The following ZNF292 variants were observed in gnomAD, a reference collection of about 807,000 sequenced individuals.
ZNF292 encodes the protein zinc finger protein 292, also known as 16 zinc-finger domain protein.
In ZNF292, 26 loss-of-function variants were observed where a neutral mutation model predicts 217.9. That is an observed-to-expected ratio of 0.12 (90% CI 0.09 to 0.17). ZNF292 has a LOEUF of 0.17. Ranked by LOEUF, ZNF292 falls within the 10% of genes least tolerant of loss-of-function variation. The pLI is 1.00. For synonymous variants in ZNF292, 1,257 were observed against 1,124.1 expected (o/e 1.12, Z -2.37); for missense variants, 2,904 against 3,175.2 (o/e 0.91, Z 2.05).
At chr6:87,243,390 ATATT>A (rs916570698) in intron 5 of ZNF292, 81 bp from the exon 6 acceptor site, 5 of 1,160,374 alleles carry the variant, frequency 4.3e-6, no homozygotes, top group Admixed American at 3.6e-5. Context: ...AACTATCTAA[ATATT>A]TAATGAAAAC....
chr6:87,263,830 AC>A lies in ZNF292; in HGVS notation c.*2030del, dbSNP rs1318773900. 1.3e-5 allele frequency: 2 copies of A among 152,088 alleles called. No individual in the cohort carries two copies. Among genetic ancestry groups the A allele is most frequent in the African/African-American group, 4.8e-5 (2 of 41,424 alleles). 9.4% of individuals were successfully genotyped at this position (152,088 alleles called of 1,614,324 possible). On this transcript the variant is annotated 3_prime_UTR_variant, in exon 8 of 8. Coordinates refer to ENST00000369577, the MANE Select transcript of ZNF292 (RefSeq NM_015021.3). ...CTCTTAAAGGTGGGCACTTGGCAAA[AC>A]TGCCCTATATAGCACAGTAGCAAGT... is the stretch of plus-strand genomic sequence containing the variant.
chr6:87,263,325 A>T lies in ZNF292; in HGVS notation c.*1524A>T, dbSNP rs1040917301. 1.3e-5 allele frequency: 2 copies of T among 151,824 alleles called. No individual in the cohort carries two copies. The highest frequency in any genetic ancestry group is 4.8e-5 in the African/African-American group (2 of 41,358). 9.4% of individuals were successfully genotyped at this position (151,824 alleles called of 1,614,324 possible). A position where few individuals can be genotyped will look rare whatever the true frequency, so the allele number is the denominator to read the frequency against. On this transcript the variant is annotated 3_prime_UTR_variant, in exon 8 of 8. Transcript: ENST00000369577. ...TGTTTTTTTTTATTTTGTGTTTGTT[A>T]TAAAACAGTTGCATTCACAATATTA...
chr6:87,240,440 C>T (rs1407423461), intron 5 of ZNF292, among the ~76,000 whole-genome samples: 2 of 151,946 alleles, frequency 1.3e-5, no homozygotes, highest in Non-Finnish European at 2.9e-5. Context: ...ATTTTTTCTT[C>T]AGACAGAGTT....
Position 87,261,372 on chromosome 6 carries a change from T to G in ZNF292, c.7743T>G (p.Phe2581Leu). The G allele has an allele frequency of 6.2e-7, 1 of 1,613,246 alleles. No individual in the cohort carries two copies. The highest frequency in any genetic ancestry group is 2.2e-5 in the East Asian group (1 of 44,866). Residue 2581 changes from phenylalanine (F) to leucine (L), a missense_variant, in exon 8 of 8, where the codon TTT becomes TTG. Phe to Leu is a conservative substitution (Grantham distance 22). Transcript: ENST00000369577. ...CCATTGAGGAGCATCCTGCATCTTT[T>G]GACTGGAGCTCTTTTAAGCCAATGG... ...IQTIEEHPAS[F>L]DWSSFKPMGF...
chr6:87,182,630 C>G (rs1771503404), intron 1 of ZNF292, among the ~76,000 whole-genome samples: 1 of 151,982 alleles, frequency 6.6e-6, no homozygotes, highest in Non-Finnish European at 1.5e-5. Context: ...TTGGCTTTTC[C>G]TTTGAAGTTA....
At chr6:87,205,529 A>G (rs1228026918) in intron 1 of ZNF292, among the ~76,000 whole-genome samples, 1 of 151,882 alleles carries the variant, frequency 6.6e-6, no homozygotes, top group Admixed American at 6.6e-5. Context: ...AACCATTCCC[A>G]TTTTATTCAG....
intron 1 of ZNF292, among the ~76,000 whole-genome samples, chr6:87,197,278 C>T (rs1771975946): frequency 6.6e-6 from 1 of 152,112 alleles, no homozygotes. Context: ...TATCTGTTTG[C>T]TATATTCTAG....
At chr6:87,235,074 A>G (rs557764758) in intron 5 of ZNF292, among the ~76,000 whole-genome samples, 3 of 151,980 alleles carry the variant, frequency 2.0e-5, no homozygotes, top group Non-Finnish European at 2.9e-5. Flanking sequence ...CAACTAGTCT[A>G]TAGATTTTTT....
At chr6:87,205,459 A>G (rs957035853) in intron 1 of ZNF292, among the ~76,000 whole-genome samples, 2 of 151,828 alleles carry the variant, frequency 1.3e-5, no homozygotes, top group East Asian at 3.9e-4. Context: ...GTAAAGGACT[A>G]TTTTTTTCTA....
At chr6:87,203,353 T>C (rs1451543568) in intron 1 of ZNF292, among the ~76,000 whole-genome samples, 4 of 151,682 alleles carry the variant, frequency 2.6e-5, no homozygotes, top group Non-Finnish European at 5.9e-5. Context: ...GTGTTGCCCA[T>C]GCTGATCTTG....
chr6:87,222,623 G>A (rs1008229572), intron 4 of ZNF292: 1 of 253,988 alleles, frequency 3.9e-6, no homozygotes, highest in African/African-American at 2.2e-5. Flanking sequence ...CATATACCCT[G>A]AACCCGTTTT....
rs1266469774 is a variant in ZNF292 at position 87,264,915 on chromosome 6, T to C, written c.*3114T>C. On this transcript the variant is annotated 3_prime_UTR_variant, in exon 8 of 8. Coordinates refer to ENST00000369577, the MANE Select transcript of ZNF292 (RefSeq NM_015021.3). ...GACCTAAAATAGTCCAGGCAAAAAA[T>C]GATGGGAGCCAGAAGAAAGGCTAAC... Among the ~76,000 whole-genome samples the C allele has an allele frequency of 6.6e-6, 1 of 152,016 alleles. No homozygotes were observed. Among genetic ancestry groups the C allele is most frequent in the Non-Finnish European group, 1.5e-5 (1 of 67,988 alleles).
intron 5 of ZNF292, among the ~76,000 whole-genome samples, chr6:87,240,147 G>A (rs1774194357): frequency 6.6e-6 from 1 of 152,184 alleles, no homozygotes; most frequent in South Asian, 2.1e-4. Flanking sequence ...GTTAGGAGCT[G>A]GAGACCAGCC....
In ZNF292 at chr6:87,265,129, TGGAGACAGAG is replaced by T. The variant is rs1369257249; in HGVS notation, c.*3329_*3338del. On this transcript the variant is annotated 3_prime_UTR_variant, in exon 8 of 8. Transcript: ENST00000369577. ...TCTCTTTTTTTTTCTTTGTTTTTTT[TGGAGACAGAG>T]TCTCGCTCTGTTGCCCAGGCTGGAG... Among the ~76,000 whole-genome samples, 6 of 152,184 alleles carry T rather than the reference TGGAGACAGAG, an allele frequency of 3.9e-5. No individual in the cohort carries two copies. Among genetic ancestry groups the T allele is most frequent in the Non-Finnish European group, 7.4e-5 (5 of 68,024 alleles).
rs1426284123 is a variant in ZNF292, at chr6:87,265,426, G to A, written c.*3625G>A. On this transcript the variant is annotated 3_prime_UTR_variant, in exon 8 of 8. Coordinates refer to ENST00000369577, the MANE Select transcript of ZNF292 (RefSeq NM_015021.3). ...TTAGTAGAGACGGTTTCACCATGTTGGCCAGGCTGGTCTTGAACTCCTGAC... is the reference window on the plus strand; with the variant it reads ...TTAGTAGAGACGGTTTCACCATGTTAGCCAGGCTGGTCTTGAACTCCTGAC... Among the ~76,000 whole-genome samples, 1 of 152,064 alleles carries A rather than the reference G, an allele frequency of 6.6e-6. No homozygotes were observed.
Position 87,155,576 on chromosome 6 carries a change from G to A in ZNF292, c.-16G>A, listed in dbSNP as rs766757866. ...CACGTGACCCAGGTGCGTACGCGAC[G>A]GAGCGGGGTGTGAAGATGGCGGACG... On this transcript the variant is annotated 5_prime_UTR_variant, in exon 1 of 8. Transcript: ENST00000369577. 11 of 1,570,780 alleles carry A rather than the reference G, an allele frequency of 7.0e-6. No homozygotes were observed. The highest frequency in any genetic ancestry group is 8.6e-6 in the Non-Finnish European group (10 of 1,158,826).
intron 7 of ZNF292, among the ~76,000 whole-genome samples, chr6:87,245,958 C>T (rs777094379): frequency 2.6e-4 from 39 of 152,284 alleles, no homozygotes; most frequent in Non-Finnish European, 4.4e-4. Flanking sequence ...GTAGGCTGGG[C>T]GTGGTGGCTC....
chr6:87,233,349 G>T lies in ZNF292; in HGVS notation c.563G>T (p.Gly188Val). The T allele has an allele frequency of 6.2e-7, 1 of 1,610,564 alleles. No individual in the cohort carries two copies. Among genetic ancestry groups the T allele is most frequent in the Non-Finnish European group, 8.5e-7 (1 of 1,178,528 alleles). The change falls in exon 5 of 8, where the codon GGT becomes GTT. Residue 188 changes from glycine to valine, a missense_variant. Physicochemically the swap from Gly to Val is moderately radical, Grantham distance 109. This residue lies in a region of ZNF292 where 313 missense variants were observed against 451.0 expected (regional missense o/e 0.69). Coordinates refer to ENST00000369577, the MANE Select transcript of ZNF292 (RefSeq NM_015021.3). ...GTGAATGAATTTTTAGCTTTTGAGG[G>T]TCCCATCTTGTTGGATATGAGAATT... Reference protein sequence around the residue: ...DKVNEFLAFEGPILLDMRIKH... With the variant: ...DKVNEFLAFEVPILLDMRIKH...
chr6:87,258,405 T>C lies in ZNF292; in HGVS notation c.4776T>C (p.Ser1592=), dbSNP rs371146844. 42 of 1,613,602 alleles carry C rather than the reference T, an allele frequency of 2.6e-5. No homozygotes were observed. The African/African-American group carries it at 4.8e-4, about 18-fold the overall frequency. The change falls in exon 8 of 8, where the codon TCT becomes TCC. Residue 1592 remains serine (S), a synonymous_variant. Transcript: ENST00000369577. ...NGLCSSSFPN[S]GGPSQNFTSN... The stretch of plus-strand genomic sequence containing the variant: ...TGTGCTCTAGTTCATTTCCTAATTC[T>C]GGTGGGCCATCACAAAATTTTACCA...
Sources: gnomAD v4.1 joint callset for allele counts (sites outside exome capture counted in the v4.1 genomes callset) on GRCh38, gnomAD v4.1.1 for gene constraint, gnomAD v4.1.1 regional missense constraint, MANE v1.5 for transcripts, NCBI Gene and HGNC (gene_info 2026-07-23, HGNC 2026-07-21) for gene names.